Variants in CC2D2A observed in about 807,000 individuals in gnomAD.
CC2D2A encodes coiled-coil and C2 domain containing 2A.
CC2D2A carries 155 observed loss-of-function variants against 212.9 expected under a neutral mutation model. The observed-to-expected ratio is 0.73, with a 90% CI of 0.64 to 0.83. The LOEUF is 0.83. Ranked by LOEUF, CC2D2A falls within the 40% of genes least tolerant of loss-of-function variation. The pLI is 0.00. For missense variants in CC2D2A, 1,856 were observed against 1,956.2 expected, an observed-to-expected ratio of 0.95 and a Z score of 0.97; for synonymous variants, 667 against 686.5, an observed-to-expected ratio of 0.97 and a Z score of 0.44.
At chr4:15,513,727 G>A (rs181629499) in intron 8 of CC2D2A, among the ~76,000 whole-genome samples, 1 of 152,318 alleles carries the variant, frequency 6.6e-6, no homozygotes, top group East Asian at 1.9e-4. Context: ...ACGAAGCAGA[G>A]GTGGGGCAGG....
Position 15,536,904 on chromosome 4 carries a change from A to G in CC2D2A, c.1608-16A>G. 6.2e-7 allele frequency: 1 copy of G among 1,610,364 alleles called. No individual in the cohort carries two copies. The highest frequency in any genetic ancestry group is 8.5e-7 in the Non-Finnish European group (1 of 1,178,324). ...AATTTCCAGAAATAACCAAGGGACT[A>G]CAAATTATTTTAAAGGGAAAAAGCT... is the stretch of plus-strand genomic sequence containing the variant. On this transcript the variant is annotated splice_polypyrimidine_tract_variant and intron_variant, in intron 14 of 36. Coordinates refer to ENST00000424120, the MANE Select transcript of CC2D2A (RefSeq NM_001378615.1).
At chr4:15,597,291 T>C (rs1721359801) in intron 34 of CC2D2A, 116 bp from the exon 35 acceptor site, 3 of 764,314 alleles carry the variant, frequency 3.9e-6, no homozygotes, top group East Asian at 2.7e-5. Context: ...GCATGCATTA[T>C]ATTATTTTCT....
At chr4:15,470,687 CTCTATATATATATATATATA>C (rs1256676152) in intron 1 of CC2D2A, among the ~76,000 whole-genome samples, 1,110 of 32,220 alleles carry the variant, frequency 0.034, 2 homozygotes, top group Admixed American at 0.057. Flanking sequence ...CTCTCTCTCT[CTCTATATATATATATATATA>C]TATATATATA....
chr4:15,553,155 C>T lies in CC2D2A; in HGVS notation c.2339-3C>T. 6.3e-7 allele frequency: 1 copy of T among 1,594,520 alleles called. No homozygotes were observed. The highest frequency in any genetic ancestry group is 8.5e-7 in the Non-Finnish European group (1 of 1,172,798). On this transcript the variant is annotated splice_region_variant and splice_polypyrimidine_tract_variant and intron_variant, in intron 18 of 36. Coordinates refer to ENST00000424120, the MANE Select transcript of CC2D2A (RefSeq NM_001378615.1). Reference sequence around the variant, plus strand: ...CATCCTGTTTAATCTGGTGTTTCCCCAGGAGTGCCCTTCTCATTTGAAGCT... The same window carrying T: ...CATCCTGTTTAATCTGGTGTTTCCCTAGGAGTGCCCTTCTCATTTGAAGCT...
intron 10 of CC2D2A, 89 bp downstream of exon 10, chr4:15,516,093 G>C: frequency 7.7e-7 from 1 of 1,302,414 alleles, no homozygotes; most frequent in Non-Finnish European, 1.0e-6. Context: ...TGCATCCACT[G>C]TACTCATTTC....
At chr4:15,477,529 G>T (rs1038980498) in intron 2 of CC2D2A, among the ~76,000 whole-genome samples, 1 of 152,128 alleles carries the variant, frequency 6.6e-6, no homozygotes, top group African/African-American at 2.4e-5. Flanking sequence ...AAAACATTAC[G>T]TAGGTTTCTC....
intron 11 of CC2D2A, among the ~76,000 whole-genome samples, chr4:15,525,830 G>T (rs1717479109): frequency 6.6e-6 from 1 of 152,178 alleles, no homozygotes; most frequent in Non-Finnish European, 1.5e-5. Flanking sequence ...TAGCCCAGTG[G>T]CTGCAAGGAG....
chr4:15,502,359 A>T, intron 4 of CC2D2A, 70 bp from the exon 5 acceptor site: 1 of 1,259,656 alleles, frequency 7.9e-7, no homozygotes, highest in Non-Finnish European at 1.1e-6. Context: ...AATTGTTTTA[A>T]AGTAATTTTC....
chr4:15,550,240 T>C (rs1718926861), intron 17 of CC2D2A, among the ~76,000 whole-genome samples: 1 of 152,212 alleles, frequency 6.6e-6, no homozygotes, highest in African/African-American at 2.4e-5. Flanking sequence ...GTAGCAGAGC[T>C]GCTGATGGTC....
chr4:15,497,857 A>AT (rs11449747), intron 4 of CC2D2A, among the ~76,000 whole-genome samples: 35,411 of 152,166 alleles, frequency 0.23, 4,952 homozygotes, highest in Non-Finnish European at 0.31. Flanking sequence ...TCTTTGTGGT[A>AT]TATGGCTTAT....
intron 14 of CC2D2A, 25 bp downstream of exon 14, chr4:15,533,358 T>C (rs1717954077): frequency 6.8e-7 from 1 of 1,470,592 alleles, no homozygotes; most frequent in Non-Finnish European, 9.1e-7. Flanking sequence ...AAAATTATTT[T>C]ATTGGGCTAT....
chr4:15,533,344 T>G lies in CC2D2A; in HGVS notation c.1607+11T>G. ...ACTTGTTTTGAGAAAGTAGGCTTTT[T>G]TGAAAAATTATTTTATTGGGCTATA... On this transcript the variant is annotated intron_variant, in intron 14 of 36. Coordinates refer to ENST00000424120, the MANE Select transcript of CC2D2A (RefSeq NM_001378615.1). The G allele has an allele frequency of 6.6e-7, 1 of 1,520,658 alleles. No individual in the cohort carries two copies. The highest frequency in any genetic ancestry group is 8.8e-7 in the Non-Finnish European group (1 of 1,133,994). 94.2% of individuals were successfully genotyped at this position (1,520,658 alleles called of 1,614,324 possible). A position where few individuals can be genotyped will look rare whatever the true frequency, so the allele number is the denominator to read the frequency against.
chr4:15,559,976 T>A (rs1719489884), intron 22 of CC2D2A, among the ~76,000 whole-genome samples: 1 of 152,022 alleles, frequency 6.6e-6, no homozygotes, highest in Admixed American at 6.6e-5. Context: ...GGACTACAGG[T>A]ACACACCACC....
intron 11 of CC2D2A, chr4:15,519,613 T>C: frequency 2.3e-6 from 1 of 435,962 alleles, no homozygotes; most frequent in Admixed American, 2.5e-5. Flanking sequence ...TTAATGGACT[T>C]ACAGTTCCAC....
At position 15,587,867 on chromosome 4, in the gene CC2D2A, T is replaced by A. The variant is rs180955463; in HGVS notation, c.4117T>A (p.Cys1373Ser). Reference protein sequence around the residue: ...GDEEEHAVLLCNYFLSLGKKA... With the variant: ...GDEEEHAVLLSNYFLSLGKKA... ...TGAAGAAGAACATGCAGTACTATTG[T>A]GTAATTACTTTCTGTCTCTGGGTAA... is the stretch of plus-strand genomic sequence containing the variant. Residue 1373 changes from cysteine (C) to serine (S), a missense_variant, in exon 32 of 37, where the codon TGT (cysteine) becomes AGT (serine). Cys to Ser is a moderately radical substitution (Grantham distance 112). Around this residue, in one of 5 missense-constraint regions of CC2D2A, gnomAD observed 36 missense variants for 35.5 expected, o/e 1.02. Transcript: ENST00000424120. The A allele has an allele frequency of 1.9e-6, 3 of 1,613,696 alleles. No homozygotes were observed. The highest frequency in any genetic ancestry group is 2.5e-6 in the Non-Finnish European group (3 of 1,179,670).
rs764329163 is a variant in CC2D2A, at chr4:15,469,884, G to A, written c.-192G>A. On this transcript the variant is annotated 5_prime_UTR_variant, in exon 1 of 37. Coordinates refer to ENST00000424120, the MANE Select transcript of CC2D2A (RefSeq NM_001378615.1). ...ACCTTCCTTAGGAACGGGTTGCTAAGCTGGTGTTTTTGCTCCAAGACATGG... is the reference window on the plus strand; with the variant it reads ...ACCTTCCTTAGGAACGGGTTGCTAAACTGGTGTTTTTGCTCCAAGACATGG... 1 of 151,744 alleles carries A rather than the reference G, an allele frequency of 6.6e-6. No homozygotes were observed. The allele number at this position is 151,744 out of a possible 1,614,324, so 9.4% of individuals were successfully genotyped here.
intron 13 of CC2D2A, among the ~76,000 whole-genome samples, chr4:15,529,672 C>T (rs537054167): frequency 1.9e-4 from 29 of 151,918 alleles, no homozygotes; most frequent in South Asian, 2.1e-4. Flanking sequence ...TCAACTGATA[C>T]GCATTTGCAT....
In CC2D2A at chr4:15,538,003, G is replaced by A; in HGVS notation, c.1869G>A (p.Glu623=). 1.2e-6 allele frequency: 2 copies of A among 1,609,742 alleles called. No individual in the cohort carries two copies. Among genetic ancestry groups the A allele is most frequent in the South Asian group, 2.2e-5 (2 of 89,836 alleles). The change falls in exon 16 of 37, where the codon GAG becomes GAA. Residue 623 remains glutamate, a synonymous_variant. Coordinates refer to ENST00000424120, the MANE Select transcript of CC2D2A (RefSeq NM_001378615.1). ...ACCTTGTGAAGCCCAGCCCTCCAGAGCCCACTGATCGGGCAGTGATAGAGC... is the reference window on the plus strand; with the variant it reads ...ACCTTGTGAAGCCCAGCCCTCCAGAACCCACTGATCGGGCAGTGATAGAGC... ...EEDLVKPSPP[E]PTDRAVIEQE...
chr4:15,527,519 A>G lies in CC2D2A; in HGVS notation c.1222A>G (p.Ile408Val), dbSNP rs1196012902. ...GDPPGNFQLD[I>V]DISGLIFTHH... ...CCCTCCTGGAAATTTCCAACTGGAC[A>G]TTGATATTTCAGGGTTAATCTTCAC... Residue 408 changes from isoleucine (I) to valine (V), a missense_variant, in exon 12 of 37, where the codon ATT (isoleucine) becomes GTT (valine). Transcript: ENST00000424120. 5.6e-6 allele frequency: 9 copies of G among 1,613,576 alleles called. No homozygotes were observed. Among genetic ancestry groups the G allele is most frequent in the East Asian group, 4.5e-5 (2 of 44,894 alleles).
Sources: allele counts gnomAD v4.1 joint callset (sites outside exome capture counted in the v4.1 genomes callset), GRCh38; gene constraint gnomAD v4.1.1; regional missense constraint gnomAD v4.1.1; transcripts MANE v1.5; gene names NCBI Gene and HGNC (gene_info 2026-07-23, HGNC 2026-07-21).